ZNF446: variants seen among roughly 807,000 people sequenced by gnomAD.
The protein encoded by ZNF446 is zinc finger protein with KRAB and SCAN domains 20.
Under a neutral mutation model 34.0 loss-of-function variants are expected in ZNF446, and 42 were observed. The ratio of observed to expected loss-of-function variants is 1.23; its 90% CI spans 0.96 to 1.60. ZNF446 has a LOEUF of 1.60. Among genes scored for constraint, ZNF446 ranks in the 40% most tolerant of loss-of-function variants. The pLI is 0.00. For synonymous variants in ZNF446, 315 were observed against 251.0 expected, an observed-to-expected ratio of 1.25 and a Z score of -2.41; for missense variants, 650 against 600.2, an observed-to-expected ratio of 1.08 and a Z score of -0.87.
In ZNF446 at chr19:58,477,313, T is replaced by C. The variant is rs1447600852; in HGVS notation, c.95T>C (p.Phe32Ser). The C allele has an allele frequency of 6.2e-7, 1 of 1,613,174 alleles. No individual in the cohort carries two copies. The highest frequency in any genetic ancestry group is 8.5e-7 in the Non-Finnish European group (1 of 1,179,962). ...PETARLRFRG[F>S]CYQEVAGPRE... ...ACTGCCCGCCTCCGCTTCCGAGGGT[T>C]CTGCTACCAGGAGGTGGCAGGTCCC... The change falls in exon 2 of 7, where the codon TTC (phenylalanine) becomes TCC (serine). Residue 32 changes from phenylalanine (F) to serine (S), a missense_variant. Transcript: ENST00000594369.
Position 58,476,446 on chromosome 19 carries a change from A to C in ZNF446, c.-99A>C, listed in dbSNP as rs1440726190. On this transcript the variant is annotated 5_prime_UTR_variant, in exon 1 of 7. Coordinates refer to ENST00000594369, the MANE Select transcript of ZNF446 (RefSeq NM_017908.4). ...CTTCCCCTTTTGGGGACAGATCCCG[A>C]AGTTCGAGCATCCCTCGGATAGGCC... 2 of 152,230 alleles carry C rather than the reference A, an allele frequency of 1.3e-5. No individual in the cohort carries two copies. The highest frequency in any genetic ancestry group is 2.9e-5 in the Non-Finnish European group (2 of 68,064). 9.4% of individuals were successfully genotyped at this position (152,230 alleles called of 1,614,324 possible).
At chr19:58,476,551 A>T (rs2053087474) in intron 1 of ZNF446, 47 bp downstream of exon 1, 1 of 152,114 alleles carries the variant, frequency 6.6e-6, no homozygotes, top group Non-Finnish European at 1.5e-5. Flanking sequence ...TGCTGTGGCC[A>T]TCCCTCGACT....
chr19:58,488,496 A>C, the ZNF446 span, among the ~76,000 whole-genome samples: 1 of 152,200 alleles, frequency 6.6e-6, no homozygotes, highest in African/African-American at 2.4e-5. Context: ...TCAGCCTTCA[A>C]AATAGCAAGT....
chr19:58,485,346 A>AG (rs1491144984), downstream of ZNF446, among the ~76,000 whole-genome samples: 305 of 92,786 alleles, frequency 3.3e-3, 2 homozygotes, highest in African/African-American at 0.012. Flanking sequence ...CTAAAAATAC[A>AG]AAAAAAAAAA....
downstream of ZNF446, chr19:58,483,651 A>G (rs1404208538): frequency 1.3e-5 from 2 of 148,612 alleles, no homozygotes; most frequent in Admixed American, 1.3e-4. Flanking sequence ...CCCTGTCTGG[A>G]AAAAAAAAAT....
downstream of ZNF446, among the ~76,000 whole-genome samples, chr19:58,484,215 T>C (rs1002030844): frequency 2.1e-5 from 3 of 142,340 alleles, no homozygotes; most frequent in African/African-American, 8.0e-5. Context: ...GGCAGGAGGA[T>C]CACTTGAGGC....
chr19:58,483,356 A>G (rs1261272763), downstream of ZNF446, among the ~76,000 whole-genome samples: 1 of 152,100 alleles, frequency 6.6e-6, no homozygotes, highest in East Asian at 1.9e-4. Context: ...AGGTATGGTG[A>G]CATGCACCTG....
In ZNF446 at chr19:58,480,568, G is replaced by C. The variant is rs371598340; in HGVS notation, c.1195G>C (p.Glu399Gln). Residue 399 changes from glutamate (E) to glutamine (Q), a missense_variant, in exon 7 of 7, where the codon GAG becomes CAG. Physicochemically the swap from Glu to Gln is conservative, Grantham distance 29. Transcript: ENST00000594369. The surrounding 1 kb of genome is among the most constrained non-coding windows in gnomAD (Gnocchi z 7.2). ...LTGPRSYPCE[E>Q]CGCSFSWKSQ... ...AGGCCCCCGGAGTTACCCGTGTGAGGAGTGCGGGTGCAGCTTCAGCTGGAA... is the reference window on the plus strand; with the variant it reads ...AGGCCCCCGGAGTTACCCGTGTGAGCAGTGCGGGTGCAGCTTCAGCTGGAA... The C allele has an allele frequency of 6.2e-7, 1 of 1,612,960 alleles. No homozygotes were observed. The highest frequency in any genetic ancestry group is 8.5e-7 in the Non-Finnish European group (1 of 1,179,962).
chr19:58,486,088 CTTTTTT>C (rs71190045), downstream of ZNF446, among the ~76,000 whole-genome samples: 2 of 83,336 alleles, frequency 2.4e-5, no homozygotes, highest in Admixed American at 1.5e-4. Flanking sequence ...AGCTAACTTT[CTTTTTT>C]TTTTTTTTTT....
chr19:58,479,765 G>T, intron 5 of ZNF446, 38 bp downstream of exon 5: 1 of 1,597,554 alleles, frequency 6.3e-7, no homozygotes, highest in Non-Finnish European at 8.5e-7. Context: ...CCTCTCCCTG[G>T]GGCCTGCACC....
chr19:58,480,083 A>T lies in ZNF446; in HGVS notation c.802+64A>T. Reference sequence around the variant, plus strand: ...TGTATCGGTGGGACCTGAGCCACCCACTCATGGGGGGACGGGAGCTTGTGC... The same window carrying T: ...TGTATCGGTGGGACCTGAGCCACCCTCTCATGGGGGGACGGGAGCTTGTGC... On this transcript the variant is annotated intron_variant, in intron 6 of 6. Transcript: ENST00000594369. The surrounding 1 kb of genome is among the most constrained non-coding windows in gnomAD (Gnocchi z 7.2). 1 of 1,557,020 alleles carries T rather than the reference A, an allele frequency of 6.4e-7. No individual in the cohort carries two copies. Among genetic ancestry groups the T allele is most frequent in the Non-Finnish European group, 8.6e-7 (1 of 1,157,266 alleles).
At chr19:58,483,247 C>G (rs539974548), downstream of ZNF446, among the ~76,000 whole-genome samples, 27 of 151,836 alleles carry the variant, frequency 1.8e-4, no homozygotes, top group Non-Finnish European at 3.4e-4. Flanking sequence ...ATTCCCAGCA[C>G]TTTGGGAGAC....
At chr19:58,488,416 C>CAT in the ZNF446 span, among the ~76,000 whole-genome samples, 1 of 152,264 alleles carries the variant, frequency 6.6e-6, no homozygotes, top group East Asian at 1.9e-4. Context: ...ACACCCTGTT[C>CAT]ATAGCACTGG....
At chr19:58,487,479 C>CA in the ZNF446 span, among the ~76,000 whole-genome samples, 232 of 152,020 alleles carry the variant, frequency 1.5e-3, no homozygotes, top group African/African-American at 5.5e-3. Flanking sequence ...AAACATAAAC[C>CA]AAAAAAACCC....
chr19:58,480,854 TC>T lies in ZNF446; in HGVS notation c.*131del, dbSNP rs1368815238. On this transcript the variant is annotated 3_prime_UTR_variant, in exon 7 of 7. Coordinates refer to ENST00000594369, the MANE Select transcript of ZNF446 (RefSeq NM_017908.4). This position sits in a 1 kb window ranked among gnomAD's most constrained non-coding sequence, Gnocchi z 7.2. ...AGTGAACAAGGGGTCCCAAGCCAGT[TC>T]CCTGCCCCTGGTCTGGTCTCCCCCA... is the stretch of plus-strand genomic sequence containing the variant. 4 of 1,107,926 alleles carry T rather than the reference TC, an allele frequency of 3.6e-6. No individual in the cohort carries two copies. In the African/African-American group the frequency reaches 6.3e-5, roughly 17 times the overall value. The allele number at this position is 1,107,926 out of a possible 1,614,324, so 68.6% of individuals were successfully genotyped here. A position where few individuals can be genotyped will look rare whatever the true frequency, so the allele number is the denominator to read the frequency against.
rs151261644 is a variant in ZNF446, at chr19:58,478,130, C to T, written c.576C>T (p.Asn192=). The T allele has an allele frequency of 3.7e-6, 6 of 1,613,966 alleles. No homozygotes were observed. The highest frequency in any genetic ancestry group is 4.5e-5 in the East Asian group (2 of 44,888). The change falls in exon 4 of 7, where the codon AAC becomes AAT. Residue 192 remains asparagine (N), a synonymous_variant. Transcript: ENST00000594369. ...TTGCAGCACAGTCCCCTGAGGGGAA[C>T]CATGGACACCAAGAACCAGCCTCCA... ...PPLAAQSPEG[N]HGHQEPASTS...
At chr19:58,478,028 C>T in intron 3 of ZNF446, 59 bp from the exon 4 acceptor site, 1 of 1,503,724 alleles carries the variant, frequency 6.7e-7, no homozygotes, top group Non-Finnish European at 9.1e-7. Flanking sequence ...AGCTCCTCAT[C>T]TGCCATGGCT....
chr19:58,479,615 C>T lies in ZNF446; in HGVS notation c.628-28C>T, dbSNP rs73941455. ...ACAGGGCAGGGAAGGGGTGGAAAGACGCCTACAGTGATGGGCCACATCCGC... is the reference window on the plus strand; with the variant it reads ...ACAGGGCAGGGAAGGGGTGGAAAGATGCCTACAGTGATGGGCCACATCCGC... On this transcript the variant is annotated intron_variant, in intron 4 of 6. Transcript: ENST00000594369. 4.1e-3 allele frequency: 6,572 copies of T among 1,610,274 alleles called. 209 individuals carry two copies. In the African/African-American group the frequency reaches 0.073, roughly 18 times the overall value.
In ZNF446 at chr19:58,480,074, G is replaced by A. The variant is rs1840160160; in HGVS notation, c.802+55G>A. On this transcript the variant is annotated intron_variant, in intron 6 of 6. Coordinates refer to ENST00000594369, the MANE Select transcript of ZNF446 (RefSeq NM_017908.4). The surrounding 1 kb of genome is among the most constrained non-coding windows in gnomAD (Gnocchi z 7.2). ...CACCCCTCCTGTATCGGTGGGACCTGAGCCACCCACTCATGGGGGGACGGG... is the reference window on the plus strand; with the variant it reads ...CACCCCTCCTGTATCGGTGGGACCTAAGCCACCCACTCATGGGGGGACGGG... The A allele has an allele frequency of 1.9e-6, 3 of 1,559,454 alleles. No homozygotes were observed. The highest frequency in any genetic ancestry group is 3.7e-5 in the Admixed American group (2 of 54,196).
Sources: gnomAD v4.1 joint callset for allele counts (sites outside exome capture counted in the v4.1 genomes callset) on GRCh38, gnomAD v4.1.1 for gene constraint, Gnocchi (gnomAD v3.1) non-coding constraint, MANE v1.5 for transcripts, NCBI Gene and HGNC (gene_info 2026-07-23, HGNC 2026-07-21) for gene names.